PRKG1: variants seen among roughly 807,000 people sequenced by gnomAD.
PRKG1 encodes the protein cGMP-dependent protein kinase 1.
PRKG1 carries 35 observed loss-of-function variants against 88.1 expected under a neutral mutation model. The ratio of observed to expected loss-of-function variants is 0.40; its 90% CI spans 0.30 to 0.53. The LOEUF is 0.53. Among genes scored for constraint, PRKG1 ranks in the 20% least tolerant of loss-of-function variants. PRKG1 has a pLI of 0.59. For synonymous variants in PRKG1, 303 were observed against 292.5 expected (o/e 1.04, Z -0.37); for missense variants, 540 against 839.8 (o/e 0.64, Z 4.41).
At chr10:51,956,603 A>G (rs934616283) in intron 5 of PRKG1, among the ~76,000 whole-genome samples, 3 of 152,108 alleles carry the variant, frequency 2.0e-5, no homozygotes, top group African/African-American at 7.2e-5. Flanking sequence ...AGTATTTGAA[A>G]TCAAAGTAAT....
chr10:51,215,936 A>C (rs550721609), intron 2 of PRKG1, among the ~76,000 whole-genome samples: 61 of 152,376 alleles, frequency 4.0e-4, no homozygotes, highest in African/African-American at 1.4e-3. Context: ...CTTTGAAGAC[A>C]TAACATTAGA....
Position 51,737,740 on chromosome 10 carries a change from A to ATTATTATT in PRKG1, c.593-66845_593-66844insTTATTATT, listed in dbSNP as rs765792966. Among the ~76,000 whole-genome samples the ATTATTATT allele has an allele frequency of 9.5e-3, 1,268 of 133,356 alleles. 27 individuals are homozygous for ATTATTATT. The highest frequency in any genetic ancestry group is 0.05 in the Admixed American group (644 of 12,980). The allele number at this position is 133,356 out of a possible 152,430, so 87.5% of individuals were successfully genotyped here. A position where few individuals can be genotyped will look rare whatever the true frequency, so the allele number is the denominator to read the frequency against. The stretch of plus-strand genomic sequence containing the variant: ...TTATTTATTTATTTATTTATTTATT[A>ATTATTATT]ATTATTATTATTATTATTATTATTA... On this transcript the variant is annotated intron_variant, in intron 3 of 17. Coordinates refer to ENST00000373980, the MANE Select transcript of PRKG1 (RefSeq NM_006258.4).
At chr10:51,950,653 G>T (rs558079765) in intron 5 of PRKG1, among the ~76,000 whole-genome samples, 2 of 152,344 alleles carry the variant, frequency 1.3e-5, no homozygotes, top group African/African-American at 4.8e-5. Context: ...CCCCAGAGGG[G>T]GTATTAGTAT....
At chr10:51,658,003 A>G (rs1564593464) in intron 3 of PRKG1, among the ~76,000 whole-genome samples, 1 of 152,188 alleles carries the variant, frequency 6.6e-6, no homozygotes, top group Non-Finnish European at 1.5e-5. Flanking sequence ...ATAAGCAAAA[A>G]GGAAAAAATT....
At chr10:51,407,074 T>C (rs2132679041) in intron 2 of PRKG1, among the ~76,000 whole-genome samples, 1 of 152,290 alleles carries the variant, frequency 6.6e-6, no homozygotes, top group African/African-American at 2.4e-5. Context: ...TGGCAGCTGA[T>C]TAAATGATGC....
Position 51,659,538 on chromosome 10 carries a change from G to A in PRKG1, c.593-145047G>A, listed in dbSNP as rs1038749794. On this transcript the variant is annotated intron_variant, in intron 3 of 17. Transcript: ENST00000373980. The stretch of plus-strand genomic sequence containing the variant: ...TGTGATGACTAAAAGGCTTGACTCA[G>A]TCCATTGGAAATATGAGACTAAAGG... Among the ~76,000 whole-genome samples the A allele has an allele frequency of 3.0e-4, 45 of 152,176 alleles. 1 individual carries two copies. The highest frequency in any genetic ancestry group is 1.1e-3 in the African/African-American group (45 of 41,556).
At position 52,294,176 on chromosome 10, in the gene PRKG1, G is replaced by T; in HGVS notation, c.*276G>T. ...AAAAGATGTTTTCTATTGTTGCAAT[G>T]ACCTTGCTTTGCTCTGATTATAATT... On this transcript the variant is annotated 3_prime_UTR_variant, in exon 18 of 18. Coordinates refer to ENST00000373980, the MANE Select transcript of PRKG1 (RefSeq NM_006258.4). 1 of 329,442 alleles carries T rather than the reference G, an allele frequency of 3.0e-6. No homozygotes were observed. The highest frequency in any genetic ancestry group is 5.6e-6 in the Non-Finnish European group (1 of 179,268). 20.4% of individuals were successfully genotyped at this position (329,442 alleles called of 1,614,324 possible).
At chr10:51,180,940 C>G (rs2132024649) in intron 2 of PRKG1, among the ~76,000 whole-genome samples, 1 of 152,282 alleles carries the variant, frequency 6.6e-6, no homozygotes, top group African/African-American at 2.4e-5. Flanking sequence ...CTTTAGGGCT[C>G]TGATCTCTTT....
intron 1 of PRKG1, among the ~76,000 whole-genome samples, chr10:51,099,824 T>A (rs1844635754): frequency 6.6e-6 from 1 of 152,228 alleles, no homozygotes; most frequent in Admixed American, 6.5e-5. Flanking sequence ...GTGAGTATAA[T>A]TTTAGTCATT....
At chr10:52,049,412 A>T (rs537248199) in intron 5 of PRKG1, among the ~76,000 whole-genome samples, 1 of 152,308 alleles carries the variant, frequency 6.6e-6, no homozygotes, top group African/African-American at 2.4e-5. Context: ...GGGAGGGGAA[A>T]GGATGGAGAA....
chr10:51,501,828 C>G (rs1841035961), intron 3 of PRKG1, among the ~76,000 whole-genome samples: 1 of 122,012 alleles, frequency 8.2e-6, no homozygotes, highest in Non-Finnish European at 1.6e-5. Flanking sequence ...TGGCTCTTCT[C>G]AAGCATCTAT....
In PRKG1 at chr10:51,627,860, T is replaced by TTTC. The variant is rs1839377009; in HGVS notation, c.592+160025_592+160026insTCT. ...TCCTTTCCTTTCCTTTCCTTTCTCC[T>TTTC]TCCTTCCTTCCTTCCCTTCCCTTCC... On this transcript the variant is annotated intron_variant, in intron 3 of 17. Transcript: ENST00000373980. Among the ~76,000 whole-genome samples, 13 of 145,248 alleles carry TTTC rather than the reference T, an allele frequency of 9.0e-5. 1 individual carries two copies. The South Asian group carries it at 2.9e-3, about 33-fold the overall frequency.
At chr10:51,139,265 G>A (rs1428495944) in intron 1 of PRKG1, among the ~76,000 whole-genome samples, 5 of 152,188 alleles carry the variant, frequency 3.3e-5, no homozygotes, top group African/African-American at 9.6e-5. Flanking sequence ...GTGGAGAGCA[G>A]TGTTTATTAT....
intron 4 of PRKG1, among the ~76,000 whole-genome samples, chr10:51,812,575 G>A (rs10823637): frequency 0.21 from 32,581 of 152,006 alleles, 5,615 homozygotes; most frequent in African/African-American, 0.48. Flanking sequence ...GACCACCAAC[G>A]AGTGACCATG....
chr10:51,053,022 G>C (rs1219110237), intron 1 of PRKG1, among the ~76,000 whole-genome samples: 1 of 152,034 alleles, frequency 6.6e-6, no homozygotes, highest in Non-Finnish European at 1.5e-5. Flanking sequence ...CAGGGGACAG[G>C]ATTTCTAGAC....
intron 3 of PRKG1, among the ~76,000 whole-genome samples, chr10:51,791,027 C>T (rs1838857514): frequency 1.3e-5 from 2 of 152,084 alleles, no homozygotes; most frequent in African/African-American, 4.8e-5. Flanking sequence ...TAATAGGCAA[C>T]CCTATAAGTT....
chr10:52,244,059 C>G (rs1285283363), intron 9 of PRKG1, among the ~76,000 whole-genome samples: 1 of 152,032 alleles, frequency 6.6e-6, no homozygotes. Flanking sequence ...ACTTCAGATT[C>G]ATTAAATTAC....
intron 4 of PRKG1, among the ~76,000 whole-genome samples, chr10:51,811,869 T>C (rs1056993241): frequency 2.6e-5 from 4 of 152,352 alleles, no homozygotes; most frequent in Admixed American, 2.6e-4. Flanking sequence ...ATGTGCATTT[T>C]TTAAGTTCTC....
At chr10:51,879,368 A>G (rs1342034438) in intron 4 of PRKG1, among the ~76,000 whole-genome samples, 1 of 152,152 alleles carries the variant, frequency 6.6e-6, no homozygotes, top group Non-Finnish European at 1.5e-5. Context: ...GATGAACGAG[A>G]AAAGTTGCTG....
Sources: gnomAD v4.1 joint callset for allele counts (sites outside exome capture counted in the v4.1 genomes callset) on GRCh38, gnomAD v4.1.1 for gene constraint, MANE v1.5 for transcripts, NCBI Gene and HGNC (gene_info 2026-07-23, HGNC 2026-07-21) for gene names.